FMNL1: variants seen among roughly 807,000 people sequenced by gnomAD.
The protein encoded by FMNL1 is formin like 1.
Under a neutral mutation model 121.3 loss-of-function variants are expected in FMNL1, and 43 were observed. The ratio of observed to expected loss-of-function variants is 0.35; its 90% confidence interval spans 0.28 to 0.46. The LOEUF is 0.46. Among genes scored for constraint, FMNL1 ranks in the 20% least tolerant of loss-of-function variants. The pLI is 1.00. For synonymous variants in FMNL1, 613 were observed against 613.5 expected (o/e 1.00, Z 0.01); for missense variants, 1,191 against 1,482.4 (o/e 0.80, Z 3.23).
intron 1 of FMNL1, among the ~76,000 whole-genome samples, chr17:45,225,742 T>G (rs988133274): frequency 2.0e-5 from 3 of 152,138 alleles, no homozygotes; most frequent in African/African-American, 7.2e-5. Context: ...TTTCCTGAGC[T>G]TTGGGGTCAT....
intron 1 of FMNL1, among the ~76,000 whole-genome samples, chr17:45,226,986 A>G (rs2043341423): frequency 6.6e-6 from 1 of 152,018 alleles, no homozygotes; most frequent in African/African-American, 2.4e-5. Flanking sequence ...AGGAGGTAAA[A>G]TTGATTGTGT....
chr17:45,247,189 T>C lies in FMNL1; in HGVS notation c.*331T>C. On this transcript the variant is annotated 3_prime_UTR_variant, in exon 27 of 27. Coordinates refer to ENST00000331495, the MANE Select transcript of FMNL1 (RefSeq NM_005892.4). ...CACCCACCCTAAAGCCCCCTCCAAA[T>C]AGCCATACTTAGCCTCAGCAGGAGC... is the stretch of plus-strand genomic sequence containing the variant. 1.8e-6 allele frequency: 1 copy of C among 543,672 alleles called. No homozygotes were observed. Among genetic ancestry groups the C allele is most frequent in the Non-Finnish European group, 3.3e-6 (1 of 303,520 alleles). 33.7% of individuals were successfully genotyped at this position (543,672 alleles called of 1,614,324 possible). A position where few individuals can be genotyped will look rare whatever the true frequency, so the allele number is the denominator to read the frequency against.
intron 1 of FMNL1, among the ~76,000 whole-genome samples, chr17:45,229,114 G>C (rs1039805350): frequency 6.6e-6 from 1 of 152,198 alleles, no homozygotes; most frequent in East Asian, 1.9e-4. Context: ...GGGGGAGGGC[G>C]GCTGATGAGA....
intron 10 of FMNL1, 45 bp from the exon 11 acceptor site, chr17:45,238,910 C>A (rs749071470): frequency 1.3e-6 from 2 of 1,532,414 alleles, no homozygotes; most frequent in Non-Finnish European, 1.8e-6. Flanking sequence ...CATTGAGCAA[C>A]CCCACCTAGA....
rs182493872 is a variant in FMNL1, at chr17:45,240,680, G to C, written c.1230+55G>C. On this transcript the variant is annotated intron_variant, in intron 12 of 26. Coordinates refer to ENST00000331495, the MANE Select transcript of FMNL1 (RefSeq NM_005892.4). ...ACATCATAGGCCCACAGGGCACACG[G>C]GCCACAGGGCCACGCAAGCATGGGC... The C allele has an allele frequency of 6.0e-3, 9,462 of 1,566,616 alleles. 42 individuals are homozygous for C. Among genetic ancestry groups the C allele is most frequent in the Middle Eastern group, 7.8e-3 (35 of 4,504 alleles).
In FMNL1 at chr17:45,237,575, CG is replaced by C; in HGVS notation, c.832del (p.Ala278ProfsTer32). On this transcript the variant is annotated frameshift_variant, in exon 9 of 27. Transcript: ENST00000331495. LOFTEE classifies it high-confidence loss of function. The surrounding 1 kb of genome is among the most constrained non-coding windows in gnomAD (Gnocchi z 4.4). ...RTKALVLELL[A>X]AVCLVRGGHD... ...AAGGCTCTGGTGCTGGAGCTGCTGG[CG>C]GCCGTGTGCTTGGTGCGGGGAGGAC... 6.2e-7 allele frequency: 1 copy of C among 1,614,176 alleles called. No homozygotes were observed. Among genetic ancestry groups the C allele is most frequent in the Non-Finnish European group, 8.5e-7 (1 of 1,180,022 alleles).
In FMNL1 at chr17:45,223,691, G is replaced by A. The variant is rs539395162; in HGVS notation, c.129+1438G>A. ...GAATGAGGAGACACAGTCTCTGGGG[G>A]CCATCTGGAGAGCCTGCATTGGTGG... On this transcript the variant is annotated intron_variant, in intron 1 of 26. Transcript: ENST00000331495. Among the ~76,000 whole-genome samples the A allele has an allele frequency of 3.2e-4, 48 of 152,310 alleles. 2 individuals are homozygous for A. The highest frequency in any genetic ancestry group is 2.5e-3 in the Admixed American group (38 of 15,292).
intron 6 of FMNL1, 150 bp from the exon 7 acceptor site, chr17:45,235,986 T>C: frequency 3.1e-6 from 2 of 639,362 alleles, no homozygotes; most frequent in Non-Finnish European, 5.4e-6. Context: ...GAAGCCTGCC[T>C]GCCCTCAGCC....
At chr17:45,245,610 G>C (rs889593136) in intron 22 of FMNL1, 22 bp from the exon 23 acceptor site, 2 of 1,613,280 alleles carry the variant, frequency 1.2e-6, no homozygotes, top group African/African-American at 2.7e-5. Flanking sequence ...TAAGCTGGGG[G>C]GCTGACAGGC....
chr17:45,234,144 A>T lies in FMNL1; in HGVS notation c.558A>T (p.Glu186Asp), dbSNP rs1213081352. 2 of 1,614,162 alleles carry T rather than the reference A, an allele frequency of 1.2e-6. No individual in the cohort carries two copies. The highest frequency in any genetic ancestry group is 3.3e-5 in the Admixed American group (2 of 60,022). The stretch of plus-strand genomic sequence containing the variant: ...ACAAGCCCCTGGAGCAGTCTGTGGA[A>T]GACCTCAGCAAGGGTCCACCCTCCT... Reference protein sequence around the residue: ...EKNKPLEQSVEDLSKGPPSSV... With the variant: ...EKNKPLEQSVDDLSKGPPSSV... The change falls in exon 6 of 27, where the codon GAA becomes GAT. Residue 186 changes from glutamate (E) to aspartate (D), a missense_variant. Transcript: ENST00000331495.
intron 12 of FMNL1, chr17:45,240,833 C>T: frequency 2.5e-6 from 2 of 785,174 alleles, no homozygotes; most frequent in East Asian, 2.7e-5. Flanking sequence ...AGCACCCTCA[C>T]TGACAGGCCC....
chr17:45,243,703 A>T (rs1235216780), intron 17 of FMNL1, 88 bp from the exon 18 acceptor site: 3 of 1,254,240 alleles, frequency 2.4e-6, no homozygotes, highest in Non-Finnish European at 3.3e-6. Flanking sequence ...ACTGAAATTC[A>T]TTTATTCAAT....
rs780161644 is a variant in FMNL1, at chr17:45,243,837, C to T, written c.2260C>T (p.Arg754Cys). 9.9e-6 allele frequency: 16 copies of T among 1,613,406 alleles called. No homozygotes were observed. The highest frequency in any genetic ancestry group is 1.1e-5 in the Non-Finnish European group (13 of 1,179,702). Residue 754 changes from arginine (R) to cysteine (C), a missense_variant, in exon 18 of 27, where the codon CGC (arginine) becomes TGC (cysteine). By Grantham distance (180) the Arg-to-Cys change is radical (BLOSUM62 -3). Around this residue, in one of 4 missense-constraint regions of FMNL1, gnomAD observed 367 missense variants for 528.6 expected, o/e 0.69. Coordinates refer to ENST00000331495, the MANE Select transcript of FMNL1 (RefSeq NM_005892.4). ...LGLDFLELLM[R>C]FLPTEYERSL... ...CCTGGACTTCCTGGAGCTGCTGATG[C>T]GCTTCCTGCCCACAGAGTATGAGCG...
chr17:45,222,897 G>T (rs978805600), intron 1 of FMNL1, among the ~76,000 whole-genome samples: 8 of 152,156 alleles, frequency 5.3e-5, no homozygotes, highest in Non-Finnish European at 1.0e-4. Flanking sequence ...GGCTAGGGGT[G>T]GAGCAAAATC....
chr17:45,242,070 G>T lies in FMNL1; in HGVS notation c.1809G>T (p.Pro603=), dbSNP rs1361929216. 1 of 867,568 alleles carries T rather than the reference G, an allele frequency of 1.2e-6. No homozygotes were observed. Among genetic ancestry groups the T allele is most frequent in the Admixed American group, 4.5e-5 (1 of 22,112 alleles). 53.7% of individuals were successfully genotyped at this position (867,568 alleles called of 1,614,324 possible). ...PPPGTDGPVP[P]PPPPPPPPPG... ...CGGGCACTGACGGGCCGGTGCCTCC[G>T]CCGCCGCCGCCGCCGCCGCCGCCTC... Residue 603 remains proline, a synonymous_variant, in exon 15 of 27, where the codon CCG becomes CCT. Transcript: ENST00000331495.
In FMNL1 at chr17:45,245,647, G is replaced by A; in HGVS notation, c.2908G>A (p.Val970Met). The A allele has an allele frequency of 6.2e-7, 1 of 1,614,140 alleles. No homozygotes were observed. Among genetic ancestry groups the A allele is most frequent in the African/African-American group, 1.3e-5 (1 of 75,042 alleles). The change falls in exon 23 of 27, where the codon GTG becomes ATG. Residue 970 changes from valine to methionine, a missense_variant. Coordinates refer to ENST00000331495, the MANE Select transcript of FMNL1 (RefSeq NM_005892.4). ...GTGCCCACAGGAGGCCTTTGAGTCT[G>A]TGGTGGAGTACTTCGGAGAGAACCC... ...SKTAQEAFESVVEYFGENPKT... is the reference protein window; with the variant it reads ...SKTAQEAFESMVEYFGENPKT...
At chr17:45,230,980 C>T (rs1301258184) in intron 2 of FMNL1, among the ~76,000 whole-genome samples, 1 of 152,204 alleles carries the variant, frequency 6.6e-6, no homozygotes, top group Non-Finnish European at 1.5e-5. Context: ...TGTCACTGTC[C>T]TCCTGCTGAG....
In FMNL1 at chr17:45,247,208, C is replaced by G; in HGVS notation, c.*350C>G. On this transcript the variant is annotated 3_prime_UTR_variant, in exon 27 of 27. Transcript: ENST00000331495. ...TCCAAATAGCCATACTTAGCCTCAG[C>G]AGGAGCCTGGCCTGTAACTTATAAA... The G allele has an allele frequency of 1.9e-6, 1 of 535,876 alleles. No homozygotes were observed. Among genetic ancestry groups the G allele is most frequent in the South Asian group, 2.7e-5 (1 of 37,074 alleles). 33.2% of individuals were successfully genotyped at this position (535,876 alleles called of 1,614,324 possible). A position where few individuals can be genotyped will look rare whatever the true frequency, so the allele number is the denominator to read the frequency against.
Position 45,237,324 on chromosome 17 carries a change from A to G in FMNL1, c.767A>G (p.Glu256Gly). ...ATGAACCACCCAGCCTGTGTCAATG[A>G]GATTGCTCTGAGCCTCAACAACAAG... is the stretch of plus-strand genomic sequence containing the variant. The part of the protein sequence containing the change: ...LVMNHPACVN[E>G]IALSLNNKNP... Residue 256 changes from glutamate (E) to glycine (G), a missense_variant, in exon 8 of 27, where the codon GAG (glutamate) becomes GGG (glycine). Physicochemically the swap from Glu to Gly is moderately conservative, Grantham distance 98 (BLOSUM62 -2). Coordinates refer to ENST00000331495, the MANE Select transcript of FMNL1 (RefSeq NM_005892.4). This position sits in a 1 kb window ranked among gnomAD's most constrained non-coding sequence, Gnocchi z 4.4. 1 of 1,614,142 alleles carries G rather than the reference A, an allele frequency of 6.2e-7. No homozygotes were observed. Among genetic ancestry groups the G allele is most frequent in the Non-Finnish European group, 8.5e-7 (1 of 1,180,012 alleles).
Sources: gnomAD v4.1 joint callset for allele counts (sites outside exome capture counted in the v4.1 genomes callset) on GRCh38, gnomAD v4.1.1 for gene constraint, gnomAD v4.1.1 regional missense constraint, Gnocchi (gnomAD v3.1) non-coding constraint, MANE v1.5 for transcripts, NCBI Gene and HGNC (gene_info 2026-07-23, HGNC 2026-07-21) for gene names.